Variants in MON1A observed in about 807,000 individuals in gnomAD.
The protein encoded by MON1A is vacuolar fusion protein MON1 homolog A.
A neutral mutation model predicts 44.6 loss-of-function variants in MON1A; 29 were observed. That is an observed-to-expected ratio of 0.65 (90% CI 0.48 to 0.89). The LOEUF is 0.89. Ranked by LOEUF, MON1A falls within the 40% of genes least tolerant of loss-of-function variation. MON1A has a pLI of 0.00. For missense variants in MON1A, 615 were observed against 759.6 expected (o/e 0.81, Z 2.24); for synonymous variants, 275 against 316.4 (o/e 0.87, Z 1.39).
At chr3:49,922,690 A>G (rs2083011853) in intron 1 of MON1A, among the ~76,000 whole-genome samples, 1 of 151,778 alleles carries the variant, frequency 6.6e-6, no homozygotes, top group African/African-American at 2.4e-5. Flanking sequence ...GAACGAAAGA[A>G]AAAAAGACAA....
At chr3:49,912,615 G>T in intron 2 of MON1A, 1 of 177,682 alleles carries the variant, frequency 5.6e-6, no homozygotes, top group Non-Finnish European at 1.2e-5. Flanking sequence ...CTCTCTCTCT[G>T]GGAGAAAGCT....
At chr3:49,919,549 C>T (rs866922916) in intron 1 of MON1A, among the ~76,000 whole-genome samples, 3 of 152,096 alleles carry the variant, frequency 2.0e-5, no homozygotes, top group South Asian at 2.1e-4. Flanking sequence ...GCGCCATCTC[C>T]GCTCACTGCA....
At chr3:49,924,358 C>G (rs1251777031) in intron 1 of MON1A, among the ~76,000 whole-genome samples, 1 of 152,126 alleles carries the variant, frequency 6.6e-6, no homozygotes, top group Non-Finnish European at 1.5e-5. Flanking sequence ...CAGGGCTGAC[C>G]TATGCAACCA....
chr3:49,915,844 G>A (rs1198723022), intron 1 of MON1A: 2 of 152,300 alleles, frequency 1.3e-5, no homozygotes, highest in Non-Finnish European at 2.9e-5. Flanking sequence ...GTGAATGTCA[G>A]TGGTAACAGA....
intron 1 of MON1A, among the ~76,000 whole-genome samples, chr3:49,918,207 C>T (rs1465366965): frequency 5.3e-5 from 8 of 151,876 alleles, no homozygotes; most frequent in Non-Finnish European, 1.2e-4. Context: ...TGTGGTGGCA[C>T]GTGCTTGTAA....
At chr3:49,914,246 G>A (rs2082922619) in intron 1 of MON1A, among the ~76,000 whole-genome samples, 1 of 151,092 alleles carries the variant, frequency 6.6e-6, no homozygotes, top group Non-Finnish European at 1.5e-5. Flanking sequence ...CATGCACCTG[G>A]CTAATTTTGT....
chr3:49,912,118 A>T, intron 2 of MON1A, 107 bp from the exon 3 acceptor site: 1 of 1,352,408 alleles, frequency 7.4e-7, no homozygotes, highest in Non-Finnish European at 9.9e-7. Flanking sequence ...TCTTGTTAGG[A>T]TCAAGCCACT....
rs896797187 is a variant in MON1A at position 49,929,608 on chromosome 3, C to T, written c.-14+1G>A. The stretch of plus-strand genomic sequence containing the variant: ...GCCACGTGGGCTGGCAGTCAACTCA[C>T]CTGTTTCTCAGAGGAGTCCAGGACG... On this transcript the variant is annotated splice_donor_variant, in intron 1 of 5. Coordinates refer to ENST00000296473, the MANE Select transcript of MON1A (RefSeq NM_032355.4). LOFTEE classifies it low-confidence loss of function (5UTR_SPLICE). The T allele has an allele frequency of 3.9e-6, 6 of 1,551,440 alleles. No individual in the cohort carries two copies. The highest frequency in any genetic ancestry group is 5.2e-6 in the Non-Finnish European group (6 of 1,146,946).
rs370695036 is a variant in MON1A, at chr3:49,910,206, C to T, written c.1292G>A (p.Arg431His). ...GAHLALREALRTPYYSVAQVG... is the reference protein window; with the variant it reads ...GAHLALREALHTPYYSVAQVG... ...TTGGGCAACGCTGTAGTAGGGTGTG[C>T]GCAGTGCCTCTCGCAGGGCCAGGTG... The change falls in exon 4 of 6, where the codon CGC (arginine) becomes CAC (histidine). Residue 431 changes from arginine to histidine, a missense_variant. Physicochemically the swap from Arg to His is conservative, Grantham distance 29 (BLOSUM62 0). Transcript: ENST00000296473. The surrounding 1 kb of genome is among the most constrained non-coding windows in gnomAD (Gnocchi z 8.0). 1.4e-5 allele frequency: 23 copies of T among 1,614,110 alleles called. No homozygotes were observed. Among genetic ancestry groups the T allele is most frequent in the East Asian group, 6.7e-5 (3 of 44,878 alleles).
chr3:49,913,118 A>C, intron 2 of MON1A, 102 bp downstream of exon 2: 1 of 1,476,960 alleles, frequency 6.8e-7, no homozygotes, highest in Non-Finnish European at 9.5e-7. Context: ...AGTGACTGAC[A>C]AATGCATGAA....
In MON1A at chr3:49,911,337, C is replaced by A. The variant is rs968498474; in HGVS notation, c.613+189G>T. ...TGTCAGAGGCAACTTTGGTCCTCGC[C>A]GCAGCCCCATGAGGCCAGCAGTGTT... is the stretch of plus-strand genomic sequence containing the variant. On this transcript the variant is annotated intron_variant, in intron 3 of 5. Transcript: ENST00000296473. This position sits in a 1 kb window ranked among gnomAD's most constrained non-coding sequence, Gnocchi z 5.7. 6.6e-6 allele frequency among the ~76,000 whole-genome samples: 1 copy of A among 152,148 alleles called. No individual in the cohort carries two copies.
intron 1 of MON1A, among the ~76,000 whole-genome samples, chr3:49,920,168 A>G (rs944929230): frequency 2.6e-5 from 4 of 151,958 alleles, no homozygotes; most frequent in African/African-American, 9.7e-5. Context: ...GTCACCAACG[A>G]CCTCCAGGAT....
At chr3:49,921,813 C>T (rs2082999153) in intron 1 of MON1A, among the ~76,000 whole-genome samples, 1 of 151,780 alleles carries the variant, frequency 6.6e-6, no homozygotes, top group African/African-American at 2.4e-5. Flanking sequence ...GCACTTACCA[C>T]TTCTCCCAGA....
At chr3:49,922,586 A>G (rs1021983145) in intron 1 of MON1A, among the ~76,000 whole-genome samples, 16 of 148,484 alleles carry the variant, frequency 1.1e-4, no homozygotes, top group Non-Finnish European at 1.6e-4. Context: ...AAGGAAGGAA[A>G]GAAGGAAGGA....
chr3:49,910,754 G>T lies in MON1A; in HGVS notation c.744C>A (p.Thr248=), dbSNP rs139708075. The change falls in exon 4 of 6, where the codon ACC becomes ACA. Residue 248 remains threonine (T), a synonymous_variant. Coordinates refer to ENST00000296473, the MANE Select transcript of MON1A (RefSeq NM_032355.4). This position sits in a 1 kb window ranked among gnomAD's most constrained non-coding sequence, Gnocchi z 8.0. Reference sequence around the variant, plus strand: ...GGAAGATGTGGCTCAGCTGCGCACCGGTAAGAAGGCTTAGGATCTGGTAGT... The same window carrying T: ...GGAAGATGTGGCTCAGCTGCGCACCTGTAAGAAGGCTTAGGATCTGGTAGT... The part of the protein sequence containing the change: ...YIYYQILSLL[T]GAQLSHIFQQ... The T allele has an allele frequency of 1.3e-4, 205 of 1,613,978 alleles. No individual in the cohort carries two copies. The highest frequency in any genetic ancestry group is 1.7e-4 in the Non-Finnish European group (196 of 1,180,014).
In MON1A at chr3:49,909,387, C is replaced by T. The variant is rs754262042; in HGVS notation, c.1393G>A (p.Ala465Thr). Residue 465 changes from alanine (A) to threonine (T), a missense_variant, in exon 5 of 6, where the codon GCC becomes ACC. Transcript: ENST00000296473. The surrounding 1 kb of genome is among the most constrained non-coding windows in gnomAD (Gnocchi z 4.0). Reference protein sequence around the residue: ...SGLFTSPEIEAPYTSEEEQER... With the variant: ...SGLFTSPEIETPYTSEEEQER... ...TGCTCCTCTTCACTGGTGTATGGGGCCTCAATCTCAGGGCTGCAGACAGGG... is the reference window on the plus strand; with the variant it reads ...TGCTCCTCTTCACTGGTGTATGGGGTCTCAATCTCAGGGCTGCAGACAGGG... 1 of 1,614,004 alleles carries T rather than the reference C, an allele frequency of 6.2e-7. No individual in the cohort carries two copies. Among genetic ancestry groups the T allele is most frequent in the Non-Finnish European group, 8.5e-7 (1 of 1,179,974 alleles).
chr3:49,921,477 A>G (rs888144442), intron 1 of MON1A, among the ~76,000 whole-genome samples: 3 of 150,318 alleles, frequency 2.0e-5, no homozygotes, highest in African/African-American at 7.3e-5. Context: ...CCTGTCTTTA[A>G]AAAGAAAAAA....
intron 1 of MON1A, among the ~76,000 whole-genome samples, chr3:49,917,380 A>C (rs2082954426): frequency 6.6e-6 from 1 of 151,900 alleles, no homozygotes; most frequent in Admixed American, 6.6e-5. Flanking sequence ...CTGCCTCCCC[A>C]GTTTATGCCA....
intron 1 of MON1A, chr3:49,916,788 T>C (rs1166009993): frequency 6.6e-6 from 1 of 151,932 alleles, no homozygotes; most frequent in Non-Finnish European, 1.5e-5. Context: ...TCCACAGAGG[T>C]CCCCTCTGAG....
Sources: allele counts gnomAD v4.1 joint callset (sites outside exome capture counted in the v4.1 genomes callset), GRCh38; gene constraint gnomAD v4.1.1; non-coding constraint Gnocchi (gnomAD v3.1); transcripts MANE v1.5; gene names NCBI Gene and HGNC (gene_info 2026-07-23, HGNC 2026-07-21).